SPECC1: variants seen among roughly 807,000 people sequenced by gnomAD.
SPECC1 encodes the protein sperm antigen with calponin homology and coiled-coil domains 1.
Under a neutral mutation model 104.1 loss-of-function variants are expected in SPECC1, and 62 were observed. That is an observed-to-expected ratio of 0.60 (90% CI 0.49 to 0.74). The LOEUF (loss-of-function observed/expected upper bound fraction) is 0.74. Among genes scored for constraint, SPECC1 ranks in the 30% least tolerant of loss-of-function variants. The pLI is 0.00. For missense variants in SPECC1, 1,306 were observed against 1,310.5 expected, an observed-to-expected ratio of 1.00 and a Z score of 0.05; for synonymous variants, 513 against 501.6, an observed-to-expected ratio of 1.02 and a Z score of -0.30.
intron 12 of SPECC1, among the ~76,000 whole-genome samples, chr17:20,274,191 T>C (rs2040500288): frequency 6.6e-6 from 1 of 152,212 alleles, no homozygotes; most frequent in Non-Finnish European, 1.5e-5. Flanking sequence ...TATTTCATCA[T>C]CTCTCTTGAA....
chr17:20,205,824 A>C lies in SPECC1; in HGVS notation c.1775A>C (p.Asp592Ala), dbSNP rs147891826. Residue 592 changes from aspartate to alanine, a missense_variant, in exon 4 of 15, where the codon GAT (aspartate) becomes GCT (alanine). Transcript: ENST00000395527. ...EMLKVARAEKDLLELSCNELR... is the reference protein window; with the variant it reads ...EMLKVARAEKALLELSCNELR... ...TTGAAAGTAGCCCGAGCAGAGAAAG[A>C]TCTACTGGAACTGTCTTGCAATGAG... is the stretch of plus-strand genomic sequence containing the variant. The C allele has an allele frequency of 9.9e-6, 16 of 1,614,080 alleles. No individual in the cohort carries two copies.
chr17:20,303,171 A>G (rs778045275), intron 13 of SPECC1, among the ~76,000 whole-genome samples: 21 of 152,286 alleles, frequency 1.4e-4, no homozygotes, highest in Middle Eastern at 3.4e-3. Flanking sequence ...GACTTCTGGA[A>G]TAATGGTGGC....
At chr17:20,150,784 A>G (rs368293937) in intron 3 of SPECC1, among the ~76,000 whole-genome samples, 1 of 152,154 alleles carries the variant, frequency 6.6e-6, no homozygotes, top group Non-Finnish European at 1.5e-5. Context: ...GTAGTAAAAT[A>G]TATTTATTAA....
chr17:20,122,891 C>G (rs1478916595), intron 3 of SPECC1, among the ~76,000 whole-genome samples: 1 of 152,164 alleles, frequency 6.6e-6, no homozygotes, highest in East Asian at 1.9e-4. Flanking sequence ...GTTGAAGGAC[C>G]CTTGGCCTAT....
At chr17:20,048,253 C>A (rs370058318) in intron 1 of SPECC1, among the ~76,000 whole-genome samples, 2 of 151,748 alleles carry the variant, frequency 1.3e-5, no homozygotes, top group African/African-American at 2.4e-5. Context: ...CCTGCCTCAG[C>A]TTCCCAAGTA....
chr17:20,117,415 C>A (rs1024379382), intron 3 of SPECC1, among the ~76,000 whole-genome samples: 1 of 151,974 alleles, frequency 6.6e-6, no homozygotes, highest in Non-Finnish European at 1.5e-5. Flanking sequence ...TAAGAAACTT[C>A]TTTGCAAAAA....
chr17:20,249,374 C>T (rs1272569369), intron 9 of SPECC1, among the ~76,000 whole-genome samples: 11 of 151,992 alleles, frequency 7.2e-5, no homozygotes, highest in Non-Finnish European at 1.2e-4. Context: ...GCTGAGATCG[C>T]GCCACTGCAT....
intron 3 of SPECC1, among the ~76,000 whole-genome samples, chr17:20,182,119 C>CTTTTTTTTTTTTTTTTTTTTTTTT (rs57991209): frequency 7.3e-6 from 1 of 136,580 alleles, no homozygotes; most frequent in African/African-American, 2.8e-5. Flanking sequence ...CTTTCTTTTT[C>CTTTTTTTTTTTTTTTTTTTTTTTT]TTTTTTTTTT....
intron 5 of SPECC1, among the ~76,000 whole-genome samples, chr17:20,229,763 C>T (rs1224476584): frequency 6.6e-6 from 1 of 152,216 alleles, no homozygotes; most frequent in East Asian, 1.9e-4. Flanking sequence ...TATAAGGCTG[C>T]CCTGAGACAT....
At chr17:20,021,621 C>T (rs1259439136) in intron 1 of SPECC1, among the ~76,000 whole-genome samples, 1 of 150,164 alleles carries the variant, frequency 6.7e-6, no homozygotes, top group African/African-American at 2.4e-5. Flanking sequence ...GGCTGCACCA[C>T]TACCTTCCCC....
In SPECC1 at chr17:20,216,528, G is replaced by A. The variant is rs564656297; in HGVS notation, c.1863+10616G>A. 4.6e-5 allele frequency among the ~76,000 whole-genome samples: 7 copies of A among 152,150 alleles called. No individual in the cohort carries two copies. In the East Asian group the frequency reaches 1.4e-3, roughly 29 times the overall value. On this transcript the variant is annotated intron_variant, in intron 4 of 14. Coordinates refer to ENST00000395527, the MANE Select transcript of SPECC1 (RefSeq NM_001243439.2). ...TCTGACAAGCATGGTGTGGGGGTGG[G>A]GTGGGTGGAGGAGGTGACCCTTGAT...
chr17:20,040,401 T>C (rs2045277505), intron 1 of SPECC1, among the ~76,000 whole-genome samples: 1 of 152,210 alleles, frequency 6.6e-6, no homozygotes, highest in Admixed American at 6.5e-5. Context: ...TAATTACATG[T>C]ATTTTTGCTT....
rs994751500 is a variant in SPECC1, at chr17:20,040,318, A to T, written c.-22+30894A>T. On this transcript the variant is annotated intron_variant, in intron 1 of 14. Coordinates refer to ENST00000395527, the MANE Select transcript of SPECC1 (RefSeq NM_001243439.2). ...TGCATACATTTAGTAGAAGCACTTC[A>T]GACAGGGTTATAATTTTTGCTTCAA... Among the ~76,000 whole-genome samples the T allele has an allele frequency of 2.1e-3, 321 of 152,184 alleles. 4 individuals carry two copies. Among genetic ancestry groups the T allele is most frequent in the Non-Finnish European group, 2.8e-4 (19 of 68,038 alleles).
Position 20,102,274 on chromosome 17 carries a change from G to A in SPECC1, c.147+5476G>A, listed in dbSNP as rs150586255. On this transcript the variant is annotated intron_variant, in intron 2 of 14. Transcript: ENST00000395527. The stretch of plus-strand genomic sequence containing the variant: ...TTCAGCTGTTTGTTTTGAAGGACAC[G>A]TGGGATCAGTTTTTTGTCTTTATGT... Among the ~76,000 whole-genome samples the A allele has an allele frequency of 3.9e-5, 6 of 152,196 alleles. No individual in the cohort carries two copies. The South Asian group carries it at 6.2e-4, about 16-fold the overall frequency.
chr17:20,181,775 A>G (rs2034908566), intron 3 of SPECC1, among the ~76,000 whole-genome samples: 1 of 152,194 alleles, frequency 6.6e-6, no homozygotes, highest in South Asian at 2.1e-4. Flanking sequence ...TTCAATTCAC[A>G]AATACCATAA....
At chr17:20,164,678 A>G (rs377345263) in intron 3 of SPECC1, among the ~76,000 whole-genome samples, 4 of 152,162 alleles carry the variant, frequency 2.6e-5, no homozygotes, top group African/African-American at 7.2e-5. Context: ...ATCTGAGGAT[A>G]ATGTTTTGCC....
chr17:20,262,714 G>A (rs182679467), intron 12 of SPECC1, among the ~76,000 whole-genome samples: 1 of 152,146 alleles, frequency 6.6e-6, no homozygotes, highest in African/African-American at 2.4e-5. Context: ...AATGAAAGAA[G>A]CTAGCAAGAA....
In SPECC1 at chr17:20,114,870, C is replaced by CT. The variant is rs1567853756; in HGVS notation, c.283+4311dup. ...CTTCAGAAATGAATTATTTTCTTTGCTTTATTATTTTTACCAAGACAGAGA... is the reference window on the plus strand; with the variant it reads ...CTTCAGAAATGAATTATTTTCTTTGCTTTTATTATTTTTACCAAGACAGAGA... On this transcript the variant is annotated intron_variant, in intron 3 of 14. Coordinates refer to ENST00000395527, the MANE Select transcript of SPECC1 (RefSeq NM_001243439.2). Among the ~76,000 whole-genome samples, 6 of 152,236 alleles carry CT rather than the reference C, an allele frequency of 3.9e-5. No individual in the cohort carries two copies. The South Asian group carries it at 1.0e-3, about 26-fold the overall frequency.
intron 3 of SPECC1, among the ~76,000 whole-genome samples, chr17:20,179,774 T>C (rs1270021032): frequency 1.5e-4 from 23 of 152,088 alleles, no homozygotes; most frequent in Admixed American, 1.5e-3. Flanking sequence ...AAATGAATAA[T>C]ATAAGTAACA....
Sources: gnomAD v4.1 joint callset for allele counts (sites outside exome capture counted in the v4.1 genomes callset) on GRCh38, gnomAD v4.1.1 for gene constraint, MANE v1.5 for transcripts, NCBI Gene and HGNC (gene_info 2026-07-23, HGNC 2026-07-21) for gene names.